Variants in GAPVD1 observed in about 807,000 individuals in gnomAD.
GAPVD1 encodes the protein GTPase activating protein and VPS9 domains 1.
A neutral mutation model predicts 155.5 loss-of-function variants in GAPVD1; 35 were observed. The ratio of observed to expected loss-of-function variants is 0.23; its 90% CI spans 0.17 to 0.30. GAPVD1 has a LOEUF of 0.30. Ranked by LOEUF, GAPVD1 falls within the 10% of genes least tolerant of loss-of-function variation. The pLI, the probability that GAPVD1 is intolerant of heterozygous loss-of-function variation, is 1.00. For missense variants in GAPVD1, 1,429 were observed against 1,775.7 expected (o/e 0.80, Z 3.51); for synonymous variants, 636 against 619.7 (o/e 1.03, Z -0.39).
At chr9:125,329,033 G>T (rs1335255516) in intron 12 of GAPVD1, among the ~76,000 whole-genome samples, 1 of 152,238 alleles carries the variant, frequency 6.6e-6, no homozygotes, top group Non-Finnish European at 1.5e-5. Context: ...TGAGGCAGGA[G>T]AATCAGGCAG....
At position 125,331,953 on chromosome 9, in the gene GAPVD1, G is replaced by T. The variant is rs149129817; in HGVS notation, c.2201G>T (p.Arg734Leu). 3.1e-6 allele frequency: 5 copies of T among 1,614,048 alleles called. No individual in the cohort carries two copies. The highest frequency in any genetic ancestry group is 1.6e-4 in the Middle Eastern group (1 of 6,062). ...SEAPDLKQEE[R>L]LQELESCSGL... ...GCCCCAGACCTAAAGCAGGAGGAGC[G>T]TCTGCAAGAACTGGAGAGCTGTTCT... The change falls in exon 14 of 28, where the codon CGT (arginine) becomes CTT (leucine). Residue 734 changes from arginine to leucine, a missense_variant. By Grantham distance (102) the Arg-to-Leu change is moderately radical. Around this residue, in one of 4 missense-constraint regions of GAPVD1, gnomAD observed 699 missense variants for 826.0 expected, o/e 0.85. Coordinates refer to ENST00000297933, the MANE Select transcript of GAPVD1 (RefSeq NM_001282680.3).
At position 125,334,912 on chromosome 9, in the gene GAPVD1, C is replaced by T. The variant is rs139778790; in HGVS notation, c.2429-2106C>T. The stretch of plus-strand genomic sequence containing the variant: ...TGGACAAAAATTAGAATTTTGGAAA[C>T]GTGTGTCTACCTGCATGAGCTTGAC... On this transcript the variant is annotated intron_variant, in intron 15 of 27. Coordinates refer to ENST00000297933, the MANE Select transcript of GAPVD1 (RefSeq NM_001282680.3). 1.7e-3 allele frequency among the ~76,000 whole-genome samples: 260 copies of T among 152,148 alleles called. 1 individual carries two copies. Among genetic ancestry groups the T allele is most frequent in the African/African-American group, 6.0e-3 (249 of 41,524 alleles).
chr9:125,341,043 C>G (rs751956800), intron 17 of GAPVD1, 134 bp from the exon 18 acceptor site: 29 of 657,460 alleles, frequency 4.4e-5, no homozygotes, highest in Non-Finnish European at 7.0e-5. Flanking sequence ...TGTGATTGTG[C>G]TACTGCACTC....
At chr9:125,270,841 G>A (rs1464428982) in intron 2 of GAPVD1, among the ~76,000 whole-genome samples, 1 of 152,154 alleles carries the variant, frequency 6.6e-6, no homozygotes, top group Non-Finnish European at 1.5e-5. Context: ...TACTCAGGAG[G>A]CTGAGGCAGG....
chr9:125,291,122 C>G (rs1838526031), intron 2 of GAPVD1, among the ~76,000 whole-genome samples: 1 of 151,900 alleles, frequency 6.6e-6, no homozygotes, highest in African/African-American at 2.4e-5. Context: ...CCTCATCTCT[C>G]AAGAAAAATA....
intron 2 of GAPVD1, among the ~76,000 whole-genome samples, chr9:125,285,712 C>T (rs377244890): frequency 9.9e-5 from 15 of 151,846 alleles, no homozygotes; most frequent in African/African-American, 3.1e-4. Context: ...CCACCTGCCT[C>T]GGCCTCCCAA....
intron 20 of GAPVD1, 38 bp from the exon 21 acceptor site, chr9:125,349,352 A>C: frequency 6.3e-7 from 1 of 1,585,990 alleles, no homozygotes; most frequent in African/African-American, 1.3e-5. Context: ...TTCCAAATGA[A>C]CCTGGGTATC....
chr9:125,336,991 G>T (rs1296225855), intron 15 of GAPVD1, 27 bp from the exon 16 acceptor site: 2 of 1,367,524 alleles, frequency 1.5e-6, no homozygotes, highest in East Asian at 2.3e-5. Flanking sequence ...GTCCTGGCTT[G>T]GTCTCACAGT....
chr9:125,306,787 C>T (rs1322996379), intron 6 of GAPVD1, among the ~76,000 whole-genome samples: 4 of 152,284 alleles, frequency 2.6e-5, no homozygotes, highest in South Asian at 4.1e-4. Flanking sequence ...ACTACCACAC[C>T]CAGCTCCAAG....
intron 23 of GAPVD1, among the ~76,000 whole-genome samples, chr9:125,351,232 G>A (rs561237107): frequency 2.0e-5 from 3 of 152,212 alleles, no homozygotes; most frequent in South Asian, 2.1e-4. Flanking sequence ...TCACTATCAC[G>A]AGAACAGCAC....
intron 25 of GAPVD1, among the ~76,000 whole-genome samples, chr9:125,359,212 C>T (rs1338011311): frequency 6.6e-6 from 1 of 152,204 alleles, no homozygotes; most frequent in Admixed American, 6.5e-5. Context: ...TCCCTCCCCT[C>T]CCTGCATCCC....
At chr9:125,319,591 GA>G (rs1165863871) in intron 9 of GAPVD1, among the ~76,000 whole-genome samples, 9 of 131,352 alleles carry the variant, frequency 6.9e-5, no homozygotes, top group South Asian at 2.4e-4. Flanking sequence ...AGCAAATAGG[GA>G]AAAAAAAACT....
At position 125,332,605 on chromosome 9, in the gene GAPVD1, C is replaced by A; in HGVS notation, c.2404C>A (p.Pro802Thr). ...DFGGKDSVTS[P>T]DMDEITHGAH... ...TGGGGGTAAAGATTCTGTCACTAGT[C>A]CAGACATGGATGAAATAACTCACGG... The change falls in exon 15 of 28, where the codon CCA becomes ACA. Residue 802 changes from proline (P) to threonine (T), a missense_variant. Pro to Thr is a conservative substitution (Grantham distance 38). Transcript: ENST00000297933. 6.2e-7 allele frequency: 1 copy of A among 1,608,848 alleles called. No individual in the cohort carries two copies. The highest frequency in any genetic ancestry group is 8.5e-7 in the Non-Finnish European group (1 of 1,177,018).
intron 2 of GAPVD1, among the ~76,000 whole-genome samples, chr9:125,269,710 CTTTTTTTTTTTTTT>C (rs951306489): frequency 3.8e-5 from 2 of 52,688 alleles, no homozygotes; most frequent in African/African-American, 9.4e-5. Flanking sequence ...CCATGCCTGG[CTTTTTTTTTTTTTT>C]TTTTTTTTTT....
intron 21 of GAPVD1, among the ~76,000 whole-genome samples, chr9:125,349,870 G>C (rs1192055742): frequency 6.6e-6 from 1 of 151,892 alleles, no homozygotes; most frequent in African/African-American, 2.4e-5. Flanking sequence ...AAAGAAGAAA[G>C]GGTTTCTTGT....
chr9:125,350,566 T>C, intron 22 of GAPVD1, 147 bp from the exon 23 acceptor site: 2 of 678,978 alleles, frequency 2.9e-6, no homozygotes, highest in Non-Finnish European at 2.5e-6. Context: ...TGATGATTTA[T>C]TAAAGTATTT....
intron 2 of GAPVD1, chr9:125,288,015 CAT>C (rs1228979137): frequency 2.0e-5 from 3 of 152,116 alleles, no homozygotes; most frequent in African/African-American, 7.2e-5. Context: ...GCTGGAATTA[CAT>C]GTGTGAGCCA....
chr9:125,362,616 CCT>C lies in GAPVD1; in HGVS notation c.4254_4255del (p.Cys1419PhefsTer10), dbSNP rs1851108778. The stretch of plus-strand genomic sequence containing the variant: ...TTTTCACTTCTCTAGGCAAATCCAC[CCT>C]GTTTGCTGTCTACTGTGCAGTATAT... On this transcript the variant is annotated frameshift_variant, in exon 28 of 28. Transcript: ENST00000297933. LOFTEE classifies it high-confidence loss of function. 1 of 1,600,732 alleles carries C rather than the reference CCT, an allele frequency of 6.2e-7. No individual in the cohort carries two copies. The highest frequency in any genetic ancestry group is 1.7e-5 in the Admixed American group (1 of 57,916).
chr9:125,301,708 A>G (rs1588775836), intron 4 of GAPVD1, among the ~76,000 whole-genome samples: 8 of 152,032 alleles, frequency 5.3e-5, no homozygotes, highest in Admixed American at 4.6e-4. Flanking sequence ...CCTCGGCCTC[A>G]CAAAGTGCTG....
Sources: allele counts gnomAD v4.1 joint callset (sites outside exome capture counted in the v4.1 genomes callset), GRCh38; gene constraint gnomAD v4.1.1; regional missense constraint gnomAD v4.1.1; transcripts MANE v1.5; gene names NCBI Gene and HGNC (gene_info 2026-07-23, HGNC 2026-07-21).